Variants in CTNNA3 observed in about 807,000 individuals in gnomAD.
CTNNA3 encodes catenin alpha 3, also known as catenin alpha-3.
A neutral mutation model predicts 95.7 loss-of-function variants in CTNNA3; 76 were observed. The observed-to-expected ratio is 0.79, with a 90% CI of 0.66 to 0.96. The LOEUF is 0.96. CTNNA3 is among the 40% of genes least tolerant of loss of function. The probability of loss-of-function intolerance (pLI) is 0.00; values close to 1 mark genes in which losing one functional copy is unlikely to be tolerated. For missense variants in CTNNA3, 1,191 were observed against 1,089.8 expected (o/e 1.09, Z -1.31); for synonymous variants, 431 against 374.4 (o/e 1.15, Z -1.74).
At chr10:67,696,550 G>A (rs139482375), upstream of CTNNA3, among the ~76,000 whole-genome samples, 331 of 152,234 alleles carry the variant, frequency 2.2e-3, 2 homozygotes, top group African/African-American at 7.5e-3. Context: ...ATCTGAGATC[G>A]TATTTTTCTT....
chr10:67,330,419 C>T (rs1589173847), intron 5 of CTNNA3, among the ~76,000 whole-genome samples: 1 of 152,264 alleles, frequency 6.6e-6, no homozygotes, highest in East Asian at 1.9e-4. Context: ...AGATCTACTC[C>T]TAGGAGCTGT....
intron 7 of CTNNA3, among the ~76,000 whole-genome samples, chr10:66,896,307 T>C (rs764507772): frequency 8.5e-5 from 13 of 152,158 alleles, no homozygotes; most frequent in Non-Finnish European, 1.5e-4. Flanking sequence ...GTTATTTAAG[T>C]AGGCTAATGG....
At chr10:67,209,090 C>T (rs1231320126) in intron 6 of CTNNA3, among the ~76,000 whole-genome samples, 2 of 152,030 alleles carry the variant, frequency 1.3e-5, no homozygotes, top group East Asian at 1.9e-4. Flanking sequence ...CACTCTGTCA[C>T]CAGGCTGGAG....
At chr10:67,464,946 G>A (rs929310480) in intron 5 of CTNNA3, among the ~76,000 whole-genome samples, 4 of 151,736 alleles carry the variant, frequency 2.6e-5, no homozygotes, top group Admixed American at 2.6e-4. Context: ...GTTTAATGGG[G>A]GAGAAATAGT....
At chr10:66,106,131 C>A (rs2081893605) in intron 13 of CTNNA3, among the ~76,000 whole-genome samples, 1 of 151,420 alleles carries the variant, frequency 6.6e-6, no homozygotes, top group Non-Finnish European at 1.5e-5. Context: ...TGCTTGAATC[C>A]AGGCGGCGGA....
chr10:66,025,419 T>A (rs10740217), intron 15 of CTNNA3, among the ~76,000 whole-genome samples: 129,351 of 152,206 alleles, frequency 0.85, 55,520 homozygotes, highest in Non-Finnish European at 0.92. Context: ...GAAAACAATG[T>A]CAAACACCCA....
At chr10:67,393,987 T>TA (rs1277060078) in intron 5 of CTNNA3, among the ~76,000 whole-genome samples, 1 of 152,098 alleles carries the variant, frequency 6.6e-6, no homozygotes. Flanking sequence ...GGCAAGAAAT[T>TA]AAACAAACTG....
intron 7 of CTNNA3, among the ~76,000 whole-genome samples, chr10:67,014,202 C>T (rs1371198385): frequency 6.6e-6 from 1 of 152,148 alleles, no homozygotes; most frequent in Non-Finnish European, 1.5e-5. Flanking sequence ...TTTAGTGCTT[C>T]ACAGGTGTAC....
intron 9 of CTNNA3, among the ~76,000 whole-genome samples, chr10:66,623,132 C>A (rs9664949): frequency 0.33 from 50,438 of 151,900 alleles, 8,795 homozygotes; most frequent in Middle Eastern, 0.5. Flanking sequence ...CCCCTTTCCA[C>A]TCCCCAAACC....
At chr10:67,409,182 C>T (rs1845270288) in intron 5 of CTNNA3, among the ~76,000 whole-genome samples, 1 of 152,056 alleles carries the variant, frequency 6.6e-6, no homozygotes. Flanking sequence ...TGTGGTGATT[C>T]CTCAGAGATC....
chr10:66,286,868 G>A (rs2132178068), intron 12 of CTNNA3, among the ~76,000 whole-genome samples: 1 of 151,628 alleles, frequency 6.6e-6, no homozygotes, highest in Admixed American at 6.6e-5. Flanking sequence ...TTGTCTATCT[G>A]GTATCTTTCT....
chr10:66,983,985 T>A (rs1850589646), intron 7 of CTNNA3, among the ~76,000 whole-genome samples: 1 of 152,182 alleles, frequency 6.6e-6, no homozygotes, highest in Non-Finnish European at 1.5e-5. Flanking sequence ...AATTTTATAG[T>A]TGATGATAAT....
chr10:66,716,564 G>C (rs1475948421), intron 9 of CTNNA3, among the ~76,000 whole-genome samples: 6 of 152,166 alleles, frequency 3.9e-5, no homozygotes, highest in African/African-American at 1.2e-4. Context: ...TGAATGTTTA[G>C]AGTTACAGAT....
intron 12 of CTNNA3, among the ~76,000 whole-genome samples, chr10:66,341,155 G>T (rs1457320111): frequency 1.3e-5 from 2 of 151,824 alleles, no homozygotes; most frequent in Non-Finnish European, 3.0e-5. Context: ...TGAGTTAAAA[G>T]AAGATGAAAC....
At chr10:66,351,470 A>C (rs1294349016) in intron 12 of CTNNA3, among the ~76,000 whole-genome samples, 1 of 152,066 alleles carries the variant, frequency 6.6e-6, no homozygotes, top group Non-Finnish European at 1.5e-5. Context: ...AATGTGAGTC[A>C]GTGTTAGAAA....
chr10:67,073,501 G>A (rs765762967), intron 7 of CTNNA3, among the ~76,000 whole-genome samples: 81 of 151,562 alleles, frequency 5.3e-4, no homozygotes, highest in Middle Eastern at 6.8e-3. Context: ...AAAAACTCTC[G>A]TTTGTCAACA....
chr10:67,624,907 T>C (rs192419678), intron 2 of CTNNA3, among the ~76,000 whole-genome samples: 2 of 152,248 alleles, frequency 1.3e-5, no homozygotes, highest in African/African-American at 2.4e-5. Flanking sequence ...ATTTTTGCTA[T>C]GAATATTCAT....
At chr10:66,196,104 G>A (rs912851539) in intron 13 of CTNNA3, among the ~76,000 whole-genome samples, 1 of 152,080 alleles carries the variant, frequency 6.6e-6, no homozygotes, top group African/African-American at 2.4e-5. Context: ...TTAAAAGAAT[G>A]GGGTTTATAA....
At chr10:66,382,173 C>T (rs1435716381) in intron 11 of CTNNA3, among the ~76,000 whole-genome samples, 2 of 152,124 alleles carry the variant, frequency 1.3e-5, no homozygotes, top group Non-Finnish European at 2.9e-5. Flanking sequence ...TTTCCCTTTC[C>T]TAGCCAAGGG....
Sources: gnomAD v4.1 joint callset for allele counts (sites outside exome capture counted in the v4.1 genomes callset) on GRCh38, gnomAD v4.1.1 for gene constraint, MANE v1.5 for transcripts, NCBI Gene and HGNC (gene_info 2026-07-23, HGNC 2026-07-21) for gene names.